Variants in PARS2 observed in about 807,000 individuals in gnomAD.
PARS2 encodes the protein probable proline--tRNA ligase, mitochondrial.
Under a neutral mutation model 27.4 loss-of-function variants are expected in PARS2, and 20 were observed. That is an observed-to-expected ratio of 0.73 (90% CI 0.51 to 1.06). The LOEUF (loss-of-function observed/expected upper bound fraction) is 1.06. Among genes scored for constraint, PARS2 ranks in the 50% least tolerant of loss-of-function variants. The pLI, the probability that PARS2 is intolerant of heterozygous loss-of-function variation, is 0.00. For synonymous variants in PARS2, 240 were observed against 247.1 expected (o/e 0.97, Z 0.27); for missense variants, 585 against 602.1 (o/e 0.97, Z 0.30).
intron 1 of PARS2, among the ~76,000 whole-genome samples, chr1:54,761,130 C>G (rs1266132517): frequency 6.6e-6 from 1 of 152,172 alleles, no homozygotes; most frequent in Non-Finnish European, 1.5e-5. Context: ...CCCCTCTCCC[C>G]TTTTCCTGCC....
chr1:54,758,757 G>A lies in PARS2; in HGVS notation c.405C>T (p.Asp135=). 1 of 1,614,192 alleles carries A rather than the reference G, an allele frequency of 6.2e-7. No individual in the cohort carries two copies. The highest frequency in any genetic ancestry group is 1.3e-5 in the African/African-American group (1 of 75,042). ...AELWQATNRW[D]LMGKELLRLR... is the part of the protein sequence containing the mutation. Reference sequence around the variant, plus strand: ...GTCTTAGCAGCTCTTTGCCCATCAAGTCCCACCGGTTGGTGGCTTGCCAGA... The same window carrying A: ...GTCTTAGCAGCTCTTTGCCCATCAAATCCCACCGGTTGGTGGCTTGCCAGA... Residue 135 remains aspartate (D), a synonymous_variant, in exon 2 of 2, where the codon GAC becomes GAT. Coordinates refer to ENST00000371279, the MANE Select transcript of PARS2 (RefSeq NM_152268.4).
At chr1:54,763,556 G>C (rs1570093333) in intron 1 of PARS2, among the ~76,000 whole-genome samples, 1 of 152,136 alleles carries the variant, frequency 6.6e-6, no homozygotes, top group African/African-American at 2.4e-5. Flanking sequence ...TAATTTAAAC[G>C]AGAGCTTTAA....
At position 54,763,055 on chromosome 1, in the gene PARS2, T is replaced by A. The variant is rs192235541; in HGVS notation, c.-30+1406A>T. On this transcript the variant is annotated intron_variant, in intron 1 of 1. Coordinates refer to ENST00000371279, the MANE Select transcript of PARS2 (RefSeq NM_152268.4). ...CACATTTTGATCCCAACACACCTCT[T>A]CCAGCTTCTTATCCTAGCATTCCCC... is the stretch of plus-strand genomic sequence containing the variant. 9.5e-4 allele frequency among the ~76,000 whole-genome samples: 145 copies of A among 152,292 alleles called. 1 individual carries two copies. The highest frequency in any genetic ancestry group is 5.8e-4 in the East Asian group (3 of 5,192).
At chr1:54,762,547 C>A (rs1410025717) in intron 1 of PARS2, among the ~76,000 whole-genome samples, 3 of 152,198 alleles carry the variant, frequency 2.0e-5, no homozygotes, top group Non-Finnish European at 2.9e-5. Flanking sequence ...CCAGGTGACA[C>A]AGATGCTGCT....
intron 1 of PARS2, among the ~76,000 whole-genome samples, chr1:54,760,043 C>T (rs1048710183): frequency 6.6e-6 from 1 of 152,036 alleles, no homozygotes; most frequent in Non-Finnish European, 1.5e-5. Flanking sequence ...ACTGTAATCC[C>T]TCAGCCTGGA....
In PARS2 at chr1:54,758,494, T is replaced by C; in HGVS notation, c.668A>G (p.Tyr223Cys). Residue 223 changes from tyrosine to cysteine, a missense_variant, in exon 2 of 2, where the codon TAC (tyrosine) becomes TGC (cysteine). Coordinates refer to ENST00000371279, the MANE Select transcript of PARS2 (RefSeq NM_152268.4). ...GCAGTAGGCATCACACACCAGGCTG[T>C]AGGTCTGCTGGGCAGCCTCTGGGGA... ...DSSPEAAQQT[Y>C]SLVCDAYCSL... is the part of the protein sequence containing the mutation. The C allele has an allele frequency of 1.9e-6, 3 of 1,614,188 alleles. No homozygotes were observed. Among genetic ancestry groups the C allele is most frequent in the South Asian group, 1.1e-5 (1 of 91,088 alleles).
At chr1:54,761,937 G>T (rs1287851976) in intron 1 of PARS2, among the ~76,000 whole-genome samples, 2 of 152,164 alleles carry the variant, frequency 1.3e-5, no homozygotes, top group East Asian at 1.9e-4. Flanking sequence ...CCTTACTTAG[G>T]GCAGTGGCTC....
At chr1:54,762,392 G>A (rs1347483433) in intron 1 of PARS2, among the ~76,000 whole-genome samples, 2 of 152,100 alleles carry the variant, frequency 1.3e-5, no homozygotes, top group Non-Finnish European at 2.9e-5. Context: ...AGCCCGCCAC[G>A]GCCTCCCAAA....
chr1:54,758,474 A>AG lies in PARS2; in HGVS notation c.687dup (p.Tyr230LeufsTer29). ...CCTAGCTTGTTGAACAGGCTGCAGT[A>AG]GGCATCACACACCAGGCTGTAGGTC... On this transcript the variant is annotated frameshift_variant, in exon 2 of 2. Coordinates refer to ENST00000371279, the MANE Select transcript of PARS2 (RefSeq NM_152268.4). LOFTEE classifies it high-confidence loss of function. The AG allele has an allele frequency of 6.2e-7, 1 of 1,614,084 alleles. No homozygotes were observed. The highest frequency in any genetic ancestry group is 8.5e-7 in the Non-Finnish European group (1 of 1,179,988).
rs376396001 is a variant in PARS2, at chr1:54,758,791, G to A, written c.371C>T (p.Pro124Leu). 3.8e-5 allele frequency: 61 copies of A among 1,613,962 alleles called. No individual in the cohort carries two copies. The highest frequency in any genetic ancestry group is 1.6e-4 in the South Asian group (15 of 91,082). ...GQKVNMPSLSPAELWQATNRW... is the reference protein window; with the variant it reads ...GQKVNMPSLSLAELWQATNRW... The stretch of plus-strand genomic sequence containing the variant: ...GTTGGTGGCTTGCCAGAGCTCTGCC[G>A]GGCTGAGGCTGGGCATGTTGACTTT... Residue 124 changes from proline (P) to leucine (L), a missense_variant, in exon 2 of 2, where the codon CCG becomes CTG. Physicochemically the swap from Pro to Leu is moderately conservative, Grantham distance 98. Coordinates refer to ENST00000371279, the MANE Select transcript of PARS2 (RefSeq NM_152268.4).
chr1:54,759,007 C>A lies in PARS2; in HGVS notation c.155G>T (p.Arg52Leu). The part of the protein sequence containing the change: ...LSRVFQPQNL[R>L]EDRVLSLQDK... ...CTGCAGGGAGAGCACCCGGTCTTCC[C>A]GAAGGTTCTGTGGCTGGAACACACG... Residue 52 changes from arginine to leucine, a missense_variant, in exon 2 of 2, where the codon CGG (arginine) becomes CTG (leucine). Coordinates refer to ENST00000371279, the MANE Select transcript of PARS2 (RefSeq NM_152268.4). 6.2e-7 allele frequency: 1 copy of A among 1,614,160 alleles called. No homozygotes were observed. The highest frequency in any genetic ancestry group is 1.1e-5 in the South Asian group (1 of 91,078).
rs771919032 is a variant in PARS2, at chr1:54,757,739, C to T, written c.1423G>A (p.Val475Ile). Residue 475 changes from valine to isoleucine, a missense_variant, in exon 2 of 2, where the codon GTC (valine) becomes ATC (isoleucine). Val to Ile is a conservative substitution (Grantham distance 29). Transcript: ENST00000371279. Reference sequence around the variant, plus strand: ...CAGGGGTGGGCTGGGGGCATTTAGACAGTCTGCACTGGGGTCAGTAAATCC... The same window carrying T: ...CAGGGGTGGGCTGGGGGCATTTAGATAGTCTGCACTGGGGTCAGTAAATCC... ...VMDLLTPVQT[V>I] The T allele has an allele frequency of 1.2e-6, 2 of 1,600,608 alleles. No individual in the cohort carries two copies. Among genetic ancestry groups the T allele is most frequent in the Non-Finnish European group, 1.7e-6 (2 of 1,171,074 alleles).
rs552547985 is a variant in PARS2 at position 54,758,000 on chromosome 1, C to T, written c.1162G>A (p.Glu388Lys). Residue 388 changes from glutamate (E) to lysine (K), a missense_variant, in exon 2 of 2, where the codon GAG becomes AAG. Glu to Lys is a moderately conservative substitution (Grantham distance 56). Coordinates refer to ENST00000371279, the MANE Select transcript of PARS2 (RefSeq NM_152268.4). Reference sequence around the variant, plus strand: ...TGGTCGTACAGCTGCCCTATGAGCTCGGAGGCCGCCTGCTCCTTACTGCCC... The same window carrying T: ...TGGTCGTACAGCTGCCCTATGAGCTTGGAGGCCGCCTGCTCCTTACTGCCC... ...KKGSKEQAAS[E>K]LIGQLYDHIT... is the part of the protein sequence containing the mutation. 62 of 1,613,982 alleles carry T rather than the reference C, an allele frequency of 3.8e-5. No homozygotes were observed. The highest frequency in any genetic ancestry group is 1.3e-4 in the Admixed American group (8 of 60,000).
rs777490843 is a variant in PARS2 at position 54,757,884 on chromosome 1, G to A, written c.1278C>T (p.Asn426=). The A allele has an allele frequency of 5.0e-6, 8 of 1,614,212 alleles. No homozygotes were observed. The highest frequency in any genetic ancestry group is 6.8e-6 in the Non-Finnish European group (8 of 1,180,024). The change falls in exon 2 of 2, where the codon AAC becomes AAT. Residue 426 remains asparagine (N), a synonymous_variant. Transcript: ENST00000371279. ...TTATCACAAAGGGGTAGCCAAACTT[G>A]TTGGCATCTTTCAGTCTGTTTCCGA... is the stretch of plus-strand genomic sequence containing the variant. ...LTIGNRLKDA[N]KFGYPFVIIA... is the part of the protein sequence containing the mutation.
intron 1 of PARS2, among the ~76,000 whole-genome samples, chr1:54,760,781 ACT>A (rs1172985096): frequency 6.9e-6 from 1 of 145,188 alleles, no homozygotes; most frequent in Admixed American, 6.8e-5. Context: ...TGCCACGCCC[ACT>A]CTTTTTTTTT....
At chr1:54,763,317 A>C (rs1646167251) in intron 1 of PARS2, among the ~76,000 whole-genome samples, 1 of 152,160 alleles carries the variant, frequency 6.6e-6, no homozygotes, top group Non-Finnish European at 1.5e-5. Flanking sequence ...GGTGTTTCAC[A>C]TACAATTTTT....
At chr1:54,764,146 A>G (rs1393203292) in intron 1 of PARS2, among the ~76,000 whole-genome samples, 1 of 152,182 alleles carries the variant, frequency 6.6e-6, no homozygotes, top group East Asian at 1.9e-4. Flanking sequence ...GTTTTCTCCA[A>G]CATAAAACGG....
rs1646136962 is a variant in PARS2 at position 54,758,730 on chromosome 1, A to G, written c.432T>C (p.Leu144=). The G allele has an allele frequency of 6.2e-7, 1 of 1,614,136 alleles. No individual in the cohort carries two copies. Among genetic ancestry groups the G allele is most frequent in the Non-Finnish European group, 8.5e-7 (1 of 1,180,024 alleles). ...AGTATTCCTTGCCATGCCTGTCTCT[A>G]AGTCTTAGCAGCTCTTTGCCCATCA... ...WDLMGKELLR[L]RDRHGKEYCL... The change falls in exon 2 of 2, where the codon CTT becomes CTC. Residue 144 remains leucine, a synonymous_variant. Transcript: ENST00000371279.
At chr1:54,764,329 C>T (rs1401799631) in intron 1 of PARS2, 132 bp downstream of exon 1, 4 of 152,264 alleles carry the variant, frequency 2.6e-5, no homozygotes, top group African/African-American at 9.6e-5. Context: ...TCGCCCGCCC[C>T]AACTCAAGGA....
Sources: allele counts gnomAD v4.1 joint callset (sites outside exome capture counted in the v4.1 genomes callset), GRCh38; gene constraint gnomAD v4.1.1; transcripts MANE v1.5; gene names NCBI Gene and HGNC (gene_info 2026-07-23, HGNC 2026-07-21).